Variants in DOCK8 observed in about 807,000 individuals in gnomAD.
DOCK8 encodes the protein dedicator of cytokinesis protein 8.
In DOCK8, 141 loss-of-function variants were observed where a neutral mutation model predicts 245.6. The observed-to-expected ratio is 0.57, with a 90% CI of 0.50 to 0.66. The LOEUF is 0.66. DOCK8 is among the 30% of genes least tolerant of loss of function. The pLI, the probability that DOCK8 is intolerant of heterozygous loss-of-function variation, is 0.00. For synonymous variants in DOCK8, 1,168 were observed against 970.2 expected, an observed-to-expected ratio of 1.20 and a Z score of -3.79; for missense variants, 2,965 against 2,603.4, an observed-to-expected ratio of 1.14 and a Z score of -3.02.
chr9:241,469 A>G (rs2047371396), intron 1 of DOCK8, among the ~76,000 whole-genome samples: 1 of 152,102 alleles, frequency 6.6e-6, no homozygotes, highest in African/African-American at 2.4e-5. Context: ...CATGTGAGTG[A>G]GAATGTGAAG....
chr9:406,872 A>G, intron 27 of DOCK8, 58 bp from the exon 28 acceptor site: 2 of 1,611,434 alleles, frequency 1.2e-6, no homozygotes, highest in Non-Finnish European at 1.7e-6. Context: ...AACACTGGCC[A>G]TCGCTATTTT....
intron 4 of DOCK8, among the ~76,000 whole-genome samples, chr9:294,538 C>T (rs1203357716): frequency 6.6e-6 from 1 of 152,180 alleles, no homozygotes; most frequent in African/African-American, 2.4e-5. Flanking sequence ...TTCCTATCAC[C>T]AAGTTTCCTT....
intron 4 of DOCK8, among the ~76,000 whole-genome samples, chr9:303,728 A>G (rs1235355902): frequency 6.6e-6 from 1 of 152,224 alleles, no homozygotes; most frequent in East Asian, 1.9e-4. Context: ...TCATGCATAC[A>G]TCAAACCTAA....
upstream of DOCK8, among the ~76,000 whole-genome samples, chr9:211,724 G>C (rs1390365812): frequency 2.6e-5 from 4 of 152,092 alleles, no homozygotes; most frequent in African/African-American, 9.7e-5. Flanking sequence ...CAAGCAGATG[G>C]AGTCATTCCA....
intron 5 of DOCK8, 115 bp from the exon 6 acceptor site, chr9:311,839 C>T (rs566428404): frequency 4.0e-4 from 512 of 1,281,506 alleles, no homozygotes; most frequent in Middle Eastern, 5.2e-4. Context: ...AGACTTGAGG[C>T]CTGGCTGAGA....
At chr9:245,110 C>T (rs530536180) in intron 1 of DOCK8, among the ~76,000 whole-genome samples, 22 of 152,254 alleles carry the variant, frequency 1.4e-4, no homozygotes, top group African/African-American at 5.1e-4. Context: ...CCTAAGGTCT[C>T]ACACTCACTC....
intron 1 of DOCK8, among the ~76,000 whole-genome samples, chr9:245,829 A>G (rs942300684): frequency 2.0e-5 from 3 of 152,234 alleles, no homozygotes; most frequent in Non-Finnish European, 4.4e-5. Flanking sequence ...CAGCACCAAG[A>G]TGTAGATGCT....
intron 22 of DOCK8, among the ~76,000 whole-genome samples, chr9:383,582 T>G (rs1434605337): frequency 6.6e-6 from 1 of 151,454 alleles, no homozygotes; most frequent in African/African-American, 2.4e-5. Context: ...TCCCTGTAAT[T>G]CTAGCTACTC....
chr9:403,917 C>CATATATATATATGTGT (rs1388157370), intron 26 of DOCK8, among the ~76,000 whole-genome samples: 2 of 65,136 alleles, frequency 3.1e-5, no homozygotes, highest in Admixed American at 1.7e-4. Context: ...TATATATATA[C>CATATATATATATGTGT]ATATATATAT....
At chr9:416,617 A>T (rs1295879222) in intron 29 of DOCK8, among the ~76,000 whole-genome samples, 1 of 152,224 alleles carries the variant, frequency 6.6e-6, no homozygotes, top group Non-Finnish European at 1.5e-5. Flanking sequence ...CTTTAGGTTG[A>T]TAAACTCATA....
At chr9:414,265 C>G (rs1424836374) in intron 28 of DOCK8, among the ~76,000 whole-genome samples, 1 of 152,186 alleles carries the variant, frequency 6.6e-6, no homozygotes, top group Non-Finnish European at 1.5e-5. Flanking sequence ...CACAATAGCT[C>G]AAAAGCAGAA....
At chr9:358,088 A>G (rs905853684) in intron 14 of DOCK8, among the ~76,000 whole-genome samples, 3 of 152,012 alleles carry the variant, frequency 2.0e-5, no homozygotes, top group African/African-American at 4.8e-5. Flanking sequence ...TTATTTATTT[A>G]CTTACTTATT....
At chr9:416,654 TC>T (rs1374025308) in intron 29 of DOCK8, among the ~76,000 whole-genome samples, 1 of 152,202 alleles carries the variant, frequency 6.6e-6, no homozygotes, top group Non-Finnish European at 1.5e-5. Flanking sequence ...AAAAGATGCA[TC>T]TGAATTCAGA....
At chr9:219,197 C>T (rs977178383) in intron 1 of DOCK8, among the ~76,000 whole-genome samples, 1 of 152,210 alleles carries the variant, frequency 6.6e-6, no homozygotes, top group African/African-American at 2.4e-5. Context: ...GAGCTGGGTG[C>T]ACTGGCTCAC....
chr9:293,278 A>G (rs1003749528), intron 4 of DOCK8, among the ~76,000 whole-genome samples: 3 of 151,674 alleles, frequency 2.0e-5, no homozygotes, highest in Non-Finnish European at 4.4e-5. Context: ...CCTAGCACAC[A>G]CTCCTCCCAG....
chr9:401,698 C>T (rs2131498864), intron 26 of DOCK8, among the ~76,000 whole-genome samples: 1 of 152,200 alleles, frequency 6.6e-6, no homozygotes, highest in Non-Finnish European at 1.5e-5. Flanking sequence ...AAATAAACAA[C>T]CGAGGGGCCA....
At chr9:284,048 T>C (rs560825091) in intron 2 of DOCK8, among the ~76,000 whole-genome samples, 1 of 152,314 alleles carries the variant, frequency 6.6e-6, no homozygotes, top group East Asian at 1.9e-4. Context: ...CTTAAATGGG[T>C]ATAAACTTTA....
intron 1 of DOCK8, among the ~76,000 whole-genome samples, chr9:234,434 G>T (rs10114321): frequency 6.6e-6 from 1 of 152,048 alleles, no homozygotes; most frequent in Non-Finnish European, 1.5e-5. Context: ...CTGAATTTCA[G>T]TGTTGGCCTG....
At chr9:268,918 G>A (rs2048094146) in intron 1 of DOCK8, among the ~76,000 whole-genome samples, 1 of 152,196 alleles carries the variant, frequency 6.6e-6, no homozygotes, top group Non-Finnish European at 1.5e-5. Flanking sequence ...AAACATTGGT[G>A]ACTGTCCAAC....
Sources: allele counts gnomAD v4.1 joint callset (sites outside exome capture counted in the v4.1 genomes callset), GRCh38; gene constraint gnomAD v4.1.1; transcripts MANE v1.5; gene names NCBI Gene and HGNC (gene_info 2026-07-23, HGNC 2026-07-21).